The following LIX1L variants were observed in gnomAD, a reference collection of about 807,000 sequenced individuals.
The protein encoded by LIX1L is LIX1-like protein.
In LIX1L, 20 loss-of-function variants were observed where a neutral mutation model predicts 34.0. That is an observed-to-expected ratio of 0.59 (90% confidence interval 0.41 to 0.85). The LOEUF (loss-of-function observed/expected upper bound fraction) is 0.85. LIX1L is among the 40% of genes least tolerant of loss of function. The pLI is 0.00. For missense variants in LIX1L, 397 were observed against 447.0 expected (o/e 0.89, Z 1.01); for synonymous variants, 170 against 187.4 (o/e 0.91, Z 0.76).
chr1:145,956,815 A>C (rs1435297054), intron 1 of LIX1L, among the ~76,000 whole-genome samples: 1 of 152,180 alleles, frequency 6.6e-6, no homozygotes, highest in African/African-American at 2.4e-5. Flanking sequence ...CAACAAAGAA[A>C]ACCCTCACAT....
chr1:145,949,436 G>C (rs1161567257), intron 1 of LIX1L, among the ~76,000 whole-genome samples: 1 of 152,126 alleles, frequency 6.6e-6, no homozygotes, highest in African/African-American at 2.4e-5. Context: ...GGCTCATGAC[G>C]GCAGGGAACA....
At position 145,934,850 on chromosome 1, in the gene LIX1L, AAAAC is replaced by A. The variant is rs1648573306; in HGVS notation, c.*1456_*1459del. ...AGAGCAAGACTCCGTCTCAAAAACA[AAAAC>A]AAAAACAAAACCAAAAAAAAACCAC... is the stretch of plus-strand genomic sequence containing the variant. On this transcript the variant is annotated 3_prime_UTR_variant, in exon 6 of 6. Transcript: ENST00000604000. 2 of 151,520 alleles carry A rather than the reference AAAAC, an allele frequency of 1.3e-5. No homozygotes were observed. Among genetic ancestry groups the A allele is most frequent in the Admixed American group, 6.6e-5 (1 of 15,128 alleles). 9.4% of individuals were successfully genotyped at this position (151,520 alleles called of 1,614,324 possible).
intron 5 of LIX1L, 30 bp from the exon 6 acceptor site, chr1:145,936,582 T>A: frequency 6.2e-7 from 1 of 1,613,018 alleles, no homozygotes; most frequent in Admixed American, 1.7e-5. Flanking sequence ...TGAACATCAT[T>A]GAGAAGGTAA....
chr1:145,952,116 A>G (rs1553759879), intron 1 of LIX1L, among the ~76,000 whole-genome samples: 1 of 152,224 alleles, frequency 6.6e-6, no homozygotes, highest in African/African-American at 2.4e-5. Flanking sequence ...TTGAGGTCAC[A>G]TAGCTATGGC....
At chr1:145,938,188 A>G (rs1423853940) in intron 3 of LIX1L, among the ~76,000 whole-genome samples, 1 of 152,148 alleles carries the variant, frequency 6.6e-6, no homozygotes, top group Non-Finnish European at 1.5e-5. Context: ...TATGTTCAAA[A>G]TATTATTTTT....
At chr1:145,942,950 G>A in intron 2 of LIX1L, 97 bp from the exon 3 acceptor site, 1 of 1,181,856 alleles carries the variant, frequency 8.5e-7, no homozygotes, top group Non-Finnish European at 1.2e-6. Context: ...AAAACACTTG[G>A]ACGCTCTTTG....
intron 1 of LIX1L, among the ~76,000 whole-genome samples, chr1:145,955,225 A>G (rs1553760243): frequency 6.6e-6 from 1 of 152,222 alleles, no homozygotes; most frequent in South Asian, 2.1e-4. Context: ...CAAACTTATC[A>G]AGATCCTACA....
chr1:145,936,925 G>A lies in LIX1L; in HGVS notation c.754C>T (p.Arg252Ter), dbSNP rs376421123. The change falls in exon 5 of 6, where the codon CGA becomes TGA. Residue 252 changes from arginine (R) to a stop codon, truncating the protein, a stop_gained. Coordinates refer to ENST00000604000, the MANE Select transcript of LIX1L (RefSeq NM_153713.3). LOFTEE classifies it high-confidence loss of function. ...WNGSLKAMRE[R>*]QCSRQEVLAH... The stretch of plus-strand genomic sequence containing the variant: ...TCTCTTACCTGCCGAGAGCATTGTC[G>A]TTCCCTCATGGCCTTAAGGCTGCCA... 1.2e-6 allele frequency: 2 copies of A among 1,612,222 alleles called. No individual in the cohort carries two copies. Among genetic ancestry groups the A allele is most frequent in the Non-Finnish European group, 8.5e-7 (1 of 1,178,434 alleles).
At chr1:145,945,324 G>T (rs587725844) in intron 2 of LIX1L, among the ~76,000 whole-genome samples, 1 of 150,422 alleles carries the variant, frequency 6.6e-6, no homozygotes, top group African/African-American at 2.4e-5. Flanking sequence ...AAAAGTTTAG[G>T]CTAAAAGGCC....
At chr1:145,938,889 A>C (rs1319082515) in intron 3 of LIX1L, among the ~76,000 whole-genome samples, 6 of 152,058 alleles carry the variant, frequency 3.9e-5, no homozygotes, top group Admixed American at 3.3e-4. Context: ...TGCCTGGCCC[A>C]GCATTTACAT....
chr1:145,953,266 A>G (rs1553760018), intron 1 of LIX1L, among the ~76,000 whole-genome samples: 2 of 152,222 alleles, frequency 1.3e-5, no homozygotes, highest in African/African-American at 2.4e-5. Context: ...ATTTTATATC[A>G]TAAGGATAAA....
intron 4 of LIX1L, chr1:145,937,271 G>T (rs1648693563): frequency 4.9e-6 from 1 of 202,112 alleles, no homozygotes; most frequent in Non-Finnish European, 9.9e-6. Flanking sequence ...TGCTTCCTGG[G>T]TTCAAGCAAT....
At position 145,936,920 on chromosome 1, in the gene LIX1L, T is replaced by A; in HGVS notation, c.759A>T (p.Gln253His). The change falls in exon 5 of 6, where the codon CAA becomes CAT. Residue 253 changes from glutamine to histidine, a missense_variant. Around this residue, in one of 3 missense-constraint regions of LIX1L, gnomAD observed 174 missense variants for 204.0 expected, o/e 0.85. Transcript: ENST00000604000. ...NGSLKAMRERQCSRQEVLAHY... is the reference protein window; with the variant it reads ...NGSLKAMRERHCSRQEVLAHY... ...TAAAATCTCTTACCTGCCGAGAGCA[T>A]TGTCGTTCCCTCATGGCCTTAAGGC... The A allele has an allele frequency of 6.2e-7, 1 of 1,611,852 alleles. No homozygotes were observed.
intron 1 of LIX1L, among the ~76,000 whole-genome samples, chr1:145,956,435 C>G (rs1334946736): frequency 6.6e-6 from 1 of 152,152 alleles, no homozygotes; most frequent in African/African-American, 2.4e-5. Flanking sequence ...TTTGCAATGT[C>G]TCAGTCAATC....
chr1:145,940,166 A>C (rs891149797), intron 3 of LIX1L: 1 of 151,942 alleles, frequency 6.6e-6, no homozygotes, highest in Non-Finnish European at 1.5e-5. Flanking sequence ...GGGTTTCACC[A>C]TGTTGGCCAG....
At chr1:145,943,178 G>C (rs1231577158) in intron 2 of LIX1L, among the ~76,000 whole-genome samples, 1 of 152,200 alleles carries the variant, frequency 6.6e-6, no homozygotes, top group African/African-American at 2.4e-5. Flanking sequence ...GACAGAATTA[G>C]TTACTCAAAA....
chr1:145,942,671 C>T, intron 3 of LIX1L, 42 bp downstream of exon 3: 2 of 1,599,758 alleles, frequency 1.3e-6, no homozygotes, highest in Non-Finnish European at 1.7e-6. Context: ...AGCCAGTTCT[C>T]CCATCTCCCA....
chr1:145,950,735 C>T (rs1215829463), intron 1 of LIX1L, among the ~76,000 whole-genome samples: 1 of 152,214 alleles, frequency 6.6e-6, no homozygotes, highest in East Asian at 1.9e-4. Flanking sequence ...TCCCATATCT[C>T]ACCAGGATCT....
rs1459247911 is a variant in LIX1L at position 145,957,751 on chromosome 1, A to C, written c.177T>G (p.Ser59=). 7 of 1,390,960 alleles carry C rather than the reference A, an allele frequency of 5.0e-6. No individual in the cohort carries two copies. Among genetic ancestry groups the C allele is most frequent in the Non-Finnish European group, 6.5e-6 (7 of 1,079,114 alleles). 86.2% of individuals were successfully genotyped at this position (1,390,960 alleles called of 1,614,324 possible). The change falls in exon 1 of 6, where the codon TCT becomes TCG. Residue 59 remains serine, a synonymous_variant. Coordinates refer to ENST00000604000, the MANE Select transcript of LIX1L (RefSeq NM_153713.3). ...GGGGCAGGGGTAGTCCTGGGGCCCC[A>C]GACAGGAGCAGCGGCGGCGGGGGCG... ...PAPPPPPLLL[S]GAPGLPLPPG...
Sources: allele counts gnomAD v4.1 joint callset (sites outside exome capture counted in the v4.1 genomes callset), GRCh38; gene constraint gnomAD v4.1.1; regional missense constraint gnomAD v4.1.1; transcripts MANE v1.5; gene names NCBI Gene and HGNC (gene_info 2026-07-23, HGNC 2026-07-21).